Variants in FBLN5 observed in about 807,000 individuals in gnomAD.
FBLN5 encodes the protein fibulin 5.
Under a neutral mutation model 61.6 loss-of-function variants are expected in FBLN5, and 24 were observed. The observed-to-expected ratio is 0.39, with a 90% CI of 0.28 to 0.55. The LOEUF is 0.55. Ranked by LOEUF, FBLN5 falls within the 20% of genes least tolerant of loss-of-function variation. FBLN5 has a pLI of 0.65. For synonymous variants in FBLN5, 213 were observed against 219.8 expected (o/e 0.97, Z 0.27); for missense variants, 470 against 594.1 (o/e 0.79, Z 2.17).
chr14:91,947,300 G>A lies in FBLN5; in HGVS notation c.-71C>T. 1.9e-6 allele frequency: 3 copies of A among 1,591,518 alleles called. No homozygotes were observed. The highest frequency in any genetic ancestry group is 4.5e-5 in the East Asian group (2 of 44,728). On this transcript the variant is annotated 5_prime_UTR_variant, in exon 1 of 11. Transcript: ENST00000342058. The surrounding 1 kb of genome is among the most constrained non-coding windows in gnomAD (Gnocchi z 4.3). ...GCGGGCGGGACCCCCGGAGGAGCTC[G>A]GGCACGTCGGCCTCCTCTGGGCCCT...
intron 4 of FBLN5, among the ~76,000 whole-genome samples, chr14:91,936,250 T>A (rs918244007): frequency 3.9e-5 from 6 of 152,246 alleles, no homozygotes; most frequent in African/African-American, 1.4e-4. Context: ...AATTCATATA[T>A]ATTTTTTCTT....
Position 91,943,773 on chromosome 14 carries a change from G to T in FBLN5, c.18-812C>A. The stretch of plus-strand genomic sequence containing the variant: ...CCACATGTGTGAAAATCCCCCATCA[G>T]TGGATGGGTTGGGGTGGCCCTGTCC... On this transcript the variant is annotated intron_variant, in intron 1 of 10. Transcript: ENST00000342058. This position sits in a 1 kb window ranked among gnomAD's most constrained non-coding sequence, Gnocchi z 4.0. 6.6e-6 allele frequency among the ~76,000 whole-genome samples: 1 copy of T among 152,200 alleles called. No homozygotes were observed. The highest frequency in any genetic ancestry group is 1.9e-4 in the East Asian group (1 of 5,188).
chr14:91,895,191 C>T, intron 4 of FBLN5, 119 bp from the exon 5 acceptor site: 10 of 1,244,708 alleles, frequency 8.0e-6, no homozygotes, highest in East Asian at 4.8e-5. Context: ...CTAGGTTACA[C>T]CCAAGGAGGT....
intron 4 of FBLN5, among the ~76,000 whole-genome samples, chr14:91,917,576 A>G (rs1267061599): frequency 5.0e-5 from 1 of 20,192 alleles, no homozygotes; most frequent in Non-Finnish European, 1.1e-4. Context: ...ACTCCATCTC[A>G]AAAAAAAAAA....
At chr14:91,917,278 G>A (rs1891233498) in intron 4 of FBLN5, among the ~76,000 whole-genome samples, 1 of 152,144 alleles carries the variant, frequency 6.6e-6, no homozygotes, top group Non-Finnish European at 1.5e-5. Flanking sequence ...TCAGCTTTCA[G>A]TTATGAAAAA....
At chr14:91,927,003 C>T (rs1296425090) in intron 4 of FBLN5, among the ~76,000 whole-genome samples, 2 of 152,162 alleles carry the variant, frequency 1.3e-5, no homozygotes, top group Non-Finnish European at 1.5e-5. Flanking sequence ...AGCCCATGCT[C>T]GTTCCACTGC....
intron 3 of FBLN5, among the ~76,000 whole-genome samples, chr14:91,938,626 ACT>A (rs2056058161): frequency 6.6e-6 from 1 of 152,026 alleles, no homozygotes; most frequent in East Asian, 1.9e-4. Flanking sequence ...GGAGAGGTGG[ACT>A]CTCTAGAAAA....
chr14:91,906,149 A>G (rs1890677374), intron 4 of FBLN5, among the ~76,000 whole-genome samples: 1 of 152,128 alleles, frequency 6.6e-6, no homozygotes, highest in African/African-American at 2.4e-5. Flanking sequence ...AGCCTCCCAA[A>G]GTGCTGGGAT....
chr14:91,907,843 G>GC (rs1238668314), intron 4 of FBLN5, among the ~76,000 whole-genome samples: 2 of 152,016 alleles, frequency 1.3e-5, no homozygotes, highest in Non-Finnish European at 2.9e-5. Flanking sequence ...CCAGTGAGAT[G>GC]CCCCCCACAC....
chr14:91,922,426 G>A (rs956750601), intron 4 of FBLN5, among the ~76,000 whole-genome samples: 1 of 152,152 alleles, frequency 6.6e-6, no homozygotes, highest in Non-Finnish European at 1.5e-5. Context: ...ATGAGCTGGT[G>A]GACACGAAAG....
intron 4 of FBLN5, among the ~76,000 whole-genome samples, chr14:91,920,550 G>A (rs549396314): frequency 1.3e-5 from 2 of 152,284 alleles, no homozygotes; most frequent in African/African-American, 4.8e-5. Flanking sequence ...CCAATGGCCT[G>A]CCAGGTGATC....
chr14:91,928,579 C>T (rs1248336431), intron 4 of FBLN5, among the ~76,000 whole-genome samples: 1 of 150,900 alleles, frequency 6.6e-6, no homozygotes, highest in African/African-American at 2.4e-5. Context: ...AGAGACTAGC[C>T]TGGACAACAT....
chr14:91,936,834 T>C (rs2056023530), intron 4 of FBLN5, 113 bp downstream of exon 4: 1 of 1,246,766 alleles, frequency 8.0e-7, no homozygotes, highest in Admixed American at 1.7e-5. Flanking sequence ...TAAGTCATTG[T>C]TTCACTGGTG....
At chr14:91,883,681 A>C (rs965329109) in intron 7 of FBLN5, among the ~76,000 whole-genome samples, 1 of 150,288 alleles carries the variant, frequency 6.7e-6, no homozygotes, top group Non-Finnish European at 1.5e-5. Flanking sequence ...ACACACAAAA[A>C]CAAAAACAAA....
chr14:91,911,321 T>C (rs187567737), intron 4 of FBLN5, among the ~76,000 whole-genome samples: 318 of 152,272 alleles, frequency 2.1e-3, no homozygotes, highest in Non-Finnish European at 2.9e-3. Flanking sequence ...TGGTTGGTTG[T>C]TTACTTGCCC....
intron 4 of FBLN5, among the ~76,000 whole-genome samples, chr14:91,907,867 C>T (rs553078599): frequency 1.3e-5 from 2 of 152,094 alleles, no homozygotes; most frequent in South Asian, 4.1e-4. Flanking sequence ...AGTCCTAGCC[C>T]CTTGTAGTTC....
chr14:91,894,877 G>T, intron 5 of FBLN5, 73 bp downstream of exon 5: 2 of 1,277,432 alleles, frequency 1.6e-6, no homozygotes, highest in Non-Finnish European at 2.1e-6. Flanking sequence ...AGCCAGCTAT[G>T]CCCATACCTC....
intron 1 of FBLN5, among the ~76,000 whole-genome samples, chr14:91,944,557 C>T (rs1361858731): frequency 6.6e-6 from 1 of 152,160 alleles, no homozygotes; most frequent in Non-Finnish European, 1.5e-5. Context: ...CGCAGTCCTT[C>T]GATGGATACA....
chr14:91,880,215 T>C (rs1294606152), intron 9 of FBLN5, among the ~76,000 whole-genome samples: 1 of 152,028 alleles, frequency 6.6e-6, no homozygotes, highest in Non-Finnish European at 1.5e-5. Flanking sequence ...AGCACCTCAA[T>C]ATTCACGGAG....
Sources: allele counts gnomAD v4.1 joint callset (sites outside exome capture counted in the v4.1 genomes callset), GRCh38; gene constraint gnomAD v4.1.1; non-coding constraint Gnocchi (gnomAD v3.1); transcripts MANE v1.5; gene names NCBI Gene and HGNC (gene_info 2026-07-23, HGNC 2026-07-21).